VPS36: variants seen among roughly 807,000 people sequenced by gnomAD.
VPS36 encodes vacuolar protein-sorting-associated protein 36.
In VPS36, 31 loss-of-function variants were observed where a neutral mutation model predicts 63.5. The ratio of observed to expected loss-of-function variants is 0.49; its 90% confidence interval spans 0.37 to 0.66. VPS36 has a LOEUF of 0.66. VPS36 is among the 30% of genes least tolerant of loss of function. VPS36 has a pLI of 0.00. For missense variants in VPS36, 338 were observed against 463.7 expected (o/e 0.73, Z 2.49); for synonymous variants, 138 against 157.2 (o/e 0.88, Z 0.91).
intron 1 of VPS36, among the ~76,000 whole-genome samples, chr13:52,446,650 T>A (rs1286916980): frequency 6.6e-6 from 1 of 152,110 alleles, no homozygotes; most frequent in Non-Finnish European, 1.5e-5. Flanking sequence ...ATAAAAGTCA[T>A]ACATGTTCAG....
chr13:52,418,013 T>G lies in VPS36; in HGVS notation c.884A>C (p.Glu295Ala), dbSNP rs767072520. The G allele has an allele frequency of 5.8e-5, 94 of 1,611,358 alleles. No individual in the cohort carries two copies. Among genetic ancestry groups the G allele is most frequent in the Non-Finnish European group, 7.5e-5 (89 of 1,178,956 alleles). Reference sequence around the variant, plus strand: ...TTACCTGAGAGGTAATTTCAGTGCTTCCAGCATCTTGCACGCATTCACTAA... The same window carrying G: ...TTACCTGAGAGGTAATTTCAGTGCTGCCAGCATCTTGCACGCATTCACTAA... ...EDLVNACKML[E>A]ALKLPLRLRV... The change falls in exon 11 of 14, where the codon GAA becomes GCA. Residue 295 changes from glutamate (E) to alanine (A), a missense_variant. Transcript: ENST00000378060.
At chr13:52,427,950 C>T (rs1339699265) in intron 6 of VPS36, among the ~76,000 whole-genome samples, 2 of 152,126 alleles carry the variant, frequency 1.3e-5, no homozygotes, top group Non-Finnish European at 2.9e-5. Flanking sequence ...AATGGCAATA[C>T]ACAGCTGCAG....
At position 52,425,910 on chromosome 13, in the gene VPS36, A is replaced by C. The variant is rs1042592384; in HGVS notation, c.774+22T>G. ...GCTAATTTAACACAGTTTAAAAAAA[A>C]ACACATAGGTTTAGTTTTTACCTCT... On this transcript the variant is annotated intron_variant, in intron 9 of 13. Transcript: ENST00000378060. 1.3e-6 allele frequency: 2 copies of C among 1,594,244 alleles called. No individual in the cohort carries two copies. The highest frequency in any genetic ancestry group is 1.7e-6 in the Non-Finnish European group (2 of 1,173,410).
intron 1 of VPS36, chr13:52,450,121 G>A (rs1243052493): frequency 1.0e-6 from 1 of 994,690 alleles, no homozygotes; most frequent in East Asian, 1.1e-4. Context: ...AGGGGGTCTG[G>A]AACCACGCCA....
intron 1 of VPS36, among the ~76,000 whole-genome samples, chr13:52,443,644 T>C (rs1399195415): frequency 6.6e-6 from 1 of 152,186 alleles, no homozygotes; most frequent in Non-Finnish European, 1.5e-5. Context: ...TGCTATTCTG[T>C]TTTAGCAGCT....
At chr13:52,446,879 A>ATTTT (rs531529195) in intron 1 of VPS36, among the ~76,000 whole-genome samples, 4 of 138,376 alleles carry the variant, frequency 2.9e-5, no homozygotes, top group Non-Finnish European at 3.1e-5. Context: ...GCATGCCATA[A>ATTTT]TTTTTTTTTT....
chr13:52,416,632 C>A (rs995714005), intron 12 of VPS36, among the ~76,000 whole-genome samples: 5 of 152,110 alleles, frequency 3.3e-5, no homozygotes, highest in African/African-American at 1.2e-4. Flanking sequence ...CAGTAAAATC[C>A]ATCTAAACTA....
chr13:52,436,153 T>C (rs115442029), intron 4 of VPS36, 137 bp downstream of exon 4: 260 of 552,576 alleles, frequency 4.7e-4, no homozygotes, highest in African/African-American at 4.2e-3. Context: ...AAAAATTTTA[T>C]TGTAAAAATA....
At chr13:52,433,273 T>C (rs942508654) in intron 6 of VPS36, among the ~76,000 whole-genome samples, 2 of 152,176 alleles carry the variant, frequency 1.3e-5, no homozygotes, top group African/African-American at 4.8e-5. Context: ...CAACATAAAA[T>C]GGTGTGGTAT....
At chr13:52,425,714 G>C (rs757204169) in intron 9 of VPS36, 1 of 414,550 alleles carries the variant, frequency 2.4e-6, no homozygotes, top group Non-Finnish European at 4.1e-6. Context: ...AATAGATTTA[G>C]AAAGTTATAG....
intron 9 of VPS36, among the ~76,000 whole-genome samples, chr13:52,425,020 G>C (rs895972063): frequency 2.0e-5 from 3 of 151,414 alleles, no homozygotes; most frequent in Non-Finnish European, 2.9e-5. Context: ...TAGCACTTTG[G>C]GAGGCCGAGG....
In VPS36 at chr13:52,413,295, A is replaced by G. The variant is rs759939511; in HGVS notation, c.*2535T>C. 1 of 152,258 alleles carries G rather than the reference A, an allele frequency of 6.6e-6. No homozygotes were observed. The highest frequency in any genetic ancestry group is 1.5e-5 in the Non-Finnish European group (1 of 68,044). The allele number at this position is 152,258 out of a possible 1,614,324, so 9.4% of individuals were successfully genotyped here. A position where few individuals can be genotyped will look rare whatever the true frequency, so the allele number is the denominator to read the frequency against. ...ATGGTCAGGTAACAGTGGAATTCACATCAAGAATTTTTTAAAAAAAGAAAC... is the reference window on the plus strand; with the variant it reads ...ATGGTCAGGTAACAGTGGAATTCACGTCAAGAATTTTTTAAAAAAAGAAAC... On this transcript the variant is annotated 3_prime_UTR_variant, in exon 14 of 14. Transcript: ENST00000378060.
intron 5 of VPS36, among the ~76,000 whole-genome samples, chr13:52,434,358 AT>A (rs150153968): frequency 6.8e-4 from 103 of 150,674 alleles, no homozygotes; most frequent in African/African-American, 1.8e-3. Flanking sequence ...TGTGAAAATA[AT>A]TTTTTTTTTC....
In VPS36 at chr13:52,423,591, G is replaced by A. The variant is rs766868664; in HGVS notation, c.823C>T (p.Arg275Ter). ...SLTEVYCLVN[R>*]ARGMELLSPE... ...ATCCTTACTTCCATTCCTCGAGCTCGGTTTACTAAGCAGTACACCTCCGTG... is the reference window on the plus strand; with the variant it reads ...ATCCTTACTTCCATTCCTCGAGCTCAGTTTACTAAGCAGTACACCTCCGTG... Residue 275 changes from arginine to a stop codon, truncating the protein, a stop_gained, in exon 10 of 14, where the codon CGA becomes TGA. Transcript: ENST00000378060. LOFTEE classifies it high-confidence loss of function. 1.7e-5 allele frequency: 27 copies of A among 1,611,614 alleles called. No individual in the cohort carries two copies. Among genetic ancestry groups the A allele is most frequent in the African/African-American group, 4.0e-5 (3 of 74,878 alleles).
intron 8 of VPS36, 25 bp downstream of exon 8, chr13:52,426,964 G>A: frequency 6.4e-7 from 1 of 1,553,166 alleles, no homozygotes; most frequent in East Asian, 2.2e-5. Context: ...AGTTTCAAAT[G>A]CCTTAAAAAA....
intron 4 of VPS36, 37 bp downstream of exon 4, chr13:52,436,253 A>ACACACACC (rs1555255922): frequency 2.4e-5 from 34 of 1,401,766 alleles, no homozygotes; most frequent in East Asian, 9.2e-5. Context: ...ACACACACAC[A>ACACACACC]CCTTTCTAGT....
chr13:52,443,729 A>G (rs1958304888), intron 1 of VPS36, among the ~76,000 whole-genome samples: 4 of 152,238 alleles, frequency 2.6e-5, no homozygotes, highest in Admixed American at 2.6e-4. Context: ...CTTCAAAACT[A>G]CAATACAATC....
intron 1 of VPS36, chr13:52,450,132 A>G: frequency 1.0e-6 from 1 of 996,972 alleles, no homozygotes. Flanking sequence ...AACCACGCCA[A>G]GGAAGTCGAC....
chr13:52,429,116 C>A (rs909903676), intron 6 of VPS36: 2 of 231,050 alleles, frequency 8.7e-6, no homozygotes, highest in Non-Finnish European at 1.4e-5. Flanking sequence ...GTTTATGGAA[C>A]CTTGTATCCC....
Sources: gnomAD v4.1 joint callset for allele counts (sites outside exome capture counted in the v4.1 genomes callset) on GRCh38, gnomAD v4.1.1 for gene constraint, MANE v1.5 for transcripts, NCBI Gene and HGNC (gene_info 2026-07-23, HGNC 2026-07-21) for gene names.